Variants in TLR9 observed in about 807,000 individuals in gnomAD.
The protein encoded by TLR9 is toll-like receptor 9.
In TLR9, 19 loss-of-function variants were observed where a neutral mutation model predicts 24.6. The observed-to-expected ratio is 0.77, with a 90% confidence interval of 0.54 to 1.13. The LOEUF is 1.13. Among genes scored for constraint, TLR9 ranks in the 50% most tolerant of loss-of-function variants. The pLI is 0.00. For synonymous variants in TLR9, 579 were observed against 609.8 expected, an observed-to-expected ratio of 0.95 and a Z score of 0.74; for missense variants, 1,065 against 1,379.6, an observed-to-expected ratio of 0.77 and a Z score of 3.61.
Position 52,224,058 on chromosome 3 carries a change from C to A in TLR9, c.258G>T (p.Leu86=), listed in dbSNP as rs1367064721. ...HHLHDSDFAH[L]PSLRHLNLKW... ...TGAGGTTGAGATGCCGCAGGCTGGG[C>A]AGGTGGGCAAAGTCAGAATCATGGA... Residue 86 remains leucine, a synonymous_variant, in exon 2 of 2, where the codon CTG becomes CTT. Transcript: ENST00000360658. The A allele has an allele frequency of 4.4e-6, 7 of 1,573,818 alleles. No homozygotes were observed. The highest frequency in any genetic ancestry group is 6.1e-6 in the Non-Finnish European group (7 of 1,156,026).
Position 52,222,704 on chromosome 3 carries a change from C to T in TLR9, c.1612G>A (p.Glu538Lys), listed in dbSNP as rs1383453062. ...CGCGGTAGCTCCGTGAATGAGTGCT[C>T]GTGGTAGAGGTCCAGCTTATTGTGG... is the stretch of plus-strand genomic sequence containing the variant. ...LSHNKLDLYHEHSFTELPRLE... is the reference protein window; with the variant it reads ...LSHNKLDLYHKHSFTELPRLE... The change falls in exon 2 of 2, where the codon GAG becomes AAG. Residue 538 changes from glutamate (E) to lysine (K), a missense_variant. Physicochemically the swap from Glu to Lys is moderately conservative, Grantham distance 56. Coordinates refer to ENST00000360658, the MANE Select transcript of TLR9 (RefSeq NM_017442.4). 1.9e-6 allele frequency: 3 copies of T among 1,613,122 alleles called. No homozygotes were observed. Among genetic ancestry groups the T allele is most frequent in the South Asian group, 2.2e-5 (2 of 91,074 alleles).
At position 52,222,140 on chromosome 3, in the gene TLR9, C is replaced by T; in HGVS notation, c.2176G>A (p.Glu726Lys). ...GCGCTAAGGTTGAGCTCTCGCAGCT[C>T]CTTGGCCTTGGAAAAGAAGCCGGGG... ...VAPGFFSKAK[E>K]LRELNLSANA... The change falls in exon 2 of 2, where the codon GAG becomes AAG. Residue 726 changes from glutamate to lysine, a missense_variant. Physicochemically the swap from Glu to Lys is moderately conservative, Grantham distance 56 (BLOSUM62 1). Transcript: ENST00000360658. 2 of 1,613,274 alleles carry T rather than the reference C, an allele frequency of 1.2e-6. No individual in the cohort carries two copies. Among genetic ancestry groups the T allele is most frequent in the Non-Finnish European group, 1.7e-6 (2 of 1,179,608 alleles).
chr3:52,223,788 G>A lies in TLR9; in HGVS notation c.528C>T (p.Gly176=). 1 of 1,584,614 alleles carries A rather than the reference G, an allele frequency of 6.3e-7. No individual in the cohort carries two copies. The highest frequency in any genetic ancestry group is 8.6e-7 in the Non-Finnish European group (1 of 1,163,928). Reference sequence around the variant, plus strand: ...TGCAGGGGTTCTTGTAATAACAGTTGCCGTCCATGAATAGGAAGCGCAGGG... The same window carrying A: ...TGCAGGGGTTCTTGTAATAACAGTTACCGTCCATGAATAGGAAGCGCAGGG... ...LHALRFLFMD[G]NCYYKNPCRQ... is the part of the protein sequence containing the mutation. The change falls in exon 2 of 2, where the codon GGC becomes GGT. Residue 176 remains glycine, a synonymous_variant. Coordinates refer to ENST00000360658, the MANE Select transcript of TLR9 (RefSeq NM_017442.4).
Position 52,224,289 on chromosome 3 carries a change from G to T in TLR9, c.27C>A (p.His9Gln). The T allele has an allele frequency of 1.9e-6, 3 of 1,598,690 alleles. No homozygotes were observed. Among genetic ancestry groups the T allele is most frequent in the South Asian group, 1.1e-5 (1 of 89,638 alleles). Residue 9 changes from histidine (H) to glutamine (Q), a missense_variant, in exon 2 of 2, where the codon CAC becomes CAA. Physicochemically the swap from His to Gln is conservative, Grantham distance 24 (BLOSUM62 0). Transcript: ENST00000360658. MGFCRSAL[H>Q]PLSLLVQAIM... is the part of the protein sequence containing the mutation. The stretch of plus-strand genomic sequence containing the variant: ...TGGCCTGCACCAGGAGAGACAGCGG[G>T]TGCAGGGCGCTGCGGCAGAAACCCT...
At position 52,222,255 on chromosome 3, in the gene TLR9, G is replaced by A. The variant is rs201618736; in HGVS notation, c.2061C>T (p.Asn687=). The change falls in exon 2 of 2, where the codon AAC becomes AAT. Residue 687 remains asparagine (N), a synonymous_variant. Transcript: ENST00000360658. ...PKLEVLDLAG[N]QLKALTNGSL... is the part of the protein sequence containing the mutation. ...TGCCATTGGTCAGGGCCTTCAGCTG[G>A]TTTCCTGCCAGGTCGAGGACTTCCA... 1.2e-6 allele frequency: 2 copies of A among 1,614,102 alleles called. No homozygotes were observed. Among genetic ancestry groups the A allele is most frequent in the Admixed American group, 1.7e-5 (1 of 60,010 alleles).
Position 52,222,572 on chromosome 3 carries a change from G to A in TLR9, c.1744C>T (p.Leu582=). The A allele has an allele frequency of 6.2e-7, 1 of 1,614,180 alleles. No individual in the cohort carries two copies. The highest frequency in any genetic ancestry group is 8.5e-7 in the Non-Finnish European group (1 of 1,180,038). ...TGGCTGTGGATGTTGTTGTGGGCCAGGCTGAGGTGGCGCAGGGTGCGCAGG... is the reference window on the plus strand; with the variant it reads ...TGGCTGTGGATGTTGTTGTGGGCCAAGCTGAGGTGGCGCAGGGTGCGCAGG... The part of the protein sequence containing the change: ...AHLRTLRHLS[L]AHNNIHSQVS... Residue 582 remains leucine (L), a synonymous_variant, in exon 2 of 2, where the codon CTG becomes TTG. Coordinates refer to ENST00000360658, the MANE Select transcript of TLR9 (RefSeq NM_017442.4).
rs201495072 is a variant in TLR9 at position 52,221,226 on chromosome 3, C to T, written c.3090G>A (p.Thr1030=). 61 of 1,512,120 alleles carry T rather than the reference C, an allele frequency of 4.0e-5. No individual in the cohort carries two copies. The highest frequency in any genetic ancestry group is 4.6e-5 in the Admixed American group (2 of 43,692). 93.7% of individuals were successfully genotyped at this position (1,512,120 alleles called of 1,614,324 possible). A position where few individuals can be genotyped will look rare whatever the true frequency, so the allele number is the denominator to read the frequency against. The change falls in exon 2 of 2, where the codon ACG becomes ACA. Residue 1030 remains threonine (T), a synonymous_variant. Coordinates refer to ENST00000360658, the MANE Select transcript of TLR9 (RefSeq NM_017442.4). This position sits in a 1 kb window ranked among gnomAD's most constrained non-coding sequence, Gnocchi z 9.9. The stretch of plus-strand genomic sequence containing the variant: ...GGATTCCGGCTCACGGCTATTCGGC[C>T]GTGGGTCCCTGGCAGAAGTTCCGGT... The part of the protein sequence containing the change: ...FYNRNFCQGP[T]AE
At position 52,222,528 on chromosome 3, in the gene TLR9, G is replaced by A. The variant is rs1287111874; in HGVS notation, c.1788C>T (p.Cys596=). The stretch of plus-strand genomic sequence containing the variant: ...AGTCCAGGGCCCGCAGCGACGTACT[G>A]CAGAGCTGCTGGGACACTTGGCTGT... ...NIHSQVSQQL[C]STSLRALDFS... Residue 596 remains cysteine (C), a synonymous_variant, in exon 2 of 2, where the codon TGC becomes TGT. Transcript: ENST00000360658. The A allele has an allele frequency of 9.9e-6, 16 of 1,614,220 alleles. No homozygotes were observed. In the East Asian group the frequency reaches 2.9e-4, roughly 29 times the overall value.
At chr3:52,224,510 A>G (rs994024085) in intron 1 of TLR9, among the ~76,000 whole-genome samples, 198 bp from the exon 2 acceptor site, 4 of 152,226 alleles carry the variant, frequency 2.6e-5, no homozygotes, top group South Asian at 4.1e-4. Context: ...CCAGTCTTGG[A>G]CTCAGAATTA....
chr3:52,222,680 G>A lies in TLR9; in HGVS notation c.1636C>T (p.Arg546Ter), dbSNP rs947083609. ...YHEHSFTELP[R>*]LEALDLSYNS... ...TAGCTGAGGTCCAGGGCCTCCAGTCGCGGTAGCTCCGTGAATGAGTGCTCG... is the reference window on the plus strand; with the variant it reads ...TAGCTGAGGTCCAGGGCCTCCAGTCACGGTAGCTCCGTGAATGAGTGCTCG... The change falls in exon 2 of 2, where the codon CGA (arginine) becomes TGA (stop). Residue 546 changes from arginine (R) to a stop codon, truncating the protein, a stop_gained. Transcript: ENST00000360658. LOFTEE classifies it low-confidence loss of function (END_TRUNC). 1.5e-5 allele frequency: 25 copies of A among 1,613,134 alleles called. No individual in the cohort carries two copies. The highest frequency in any genetic ancestry group is 2.1e-5 in the Non-Finnish European group (25 of 1,179,344).
At chr3:52,224,510 A>C (rs994024085) in intron 1 of TLR9, among the ~76,000 whole-genome samples, 198 bp from the exon 2 acceptor site, 2 of 152,108 alleles carry the variant, frequency 1.3e-5, no homozygotes, top group Admixed American at 6.5e-5. Context: ...CCAGTCTTGG[A>C]CTCAGAATTA....
chr3:52,221,790 G>A lies in TLR9; in HGVS notation c.2526C>T (p.Asp842=), dbSNP rs1577979594. ...GGCACAGGTGGAAGCAGTACCAGAG[G>A]TCCCAGCCACAGAGGTGATGCAGCA... The part of the protein sequence containing the change: ...VPMLHHLCGW[D]LWYCFHLCLA... Residue 842 remains aspartate (D), a synonymous_variant, in exon 2 of 2, where the codon GAC becomes GAT. Transcript: ENST00000360658. This position sits in a 1 kb window ranked among gnomAD's most constrained non-coding sequence, Gnocchi z 9.9. 6.2e-7 allele frequency: 1 copy of A among 1,613,918 alleles called. No individual in the cohort carries two copies. Among genetic ancestry groups the A allele is most frequent in the Non-Finnish European group, 8.5e-7 (1 of 1,180,014 alleles).
rs761641797 is a variant in TLR9 at position 52,222,106 on chromosome 3, A to T, written c.2210T>A (p.Leu737His). The T allele has an allele frequency of 1.9e-6, 3 of 1,612,240 alleles. No homozygotes were observed. The highest frequency in any genetic ancestry group is 2.5e-6 in the Non-Finnish European group (3 of 1,179,130). Residue 737 changes from leucine to histidine, a missense_variant, in exon 2 of 2, where the codon CTC becomes CAC. Leu to His is a moderately conservative substitution (Grantham distance 99). Transcript: ENST00000360658. ...AAACCAGGAGTGGTCCACTGTCTTG[A>T]GGGCGTTGGCGCTAAGGTTGAGCTC... ...LRELNLSANALKTVDHSWFGP... is the reference protein window; with the variant it reads ...LRELNLSANAHKTVDHSWFGP...
Position 52,222,291 on chromosome 3 carries a change from G to C in TLR9, c.2025C>G (p.Phe675Leu). 6.2e-7 allele frequency: 1 copy of C among 1,614,198 alleles called. No individual in the cohort carries two copies. Among genetic ancestry groups the C allele is most frequent in the Non-Finnish European group, 8.5e-7 (1 of 1,180,028 alleles). The change falls in exon 2 of 2, where the codon TTC becomes TTG. Residue 675 changes from phenylalanine to leucine, a missense_variant. By Grantham distance (22) the Phe-to-Leu change is conservative (BLOSUM62 0). Coordinates refer to ENST00000360658, the MANE Select transcript of TLR9 (RefSeq NM_017442.4). The stretch of plus-strand genomic sequence containing the variant: ...GGTCGAGGACTTCCAGTTTGGGCAG[G>C]AAGTGGAGGCTCCACCACTTAAAGA... ...LAFFKWWSLHFLPKLEVLDLA... is the reference protein window; with the variant it reads ...LAFFKWWSLHLLPKLEVLDLA...
Position 52,223,287 on chromosome 3 carries a change from G to A in TLR9, c.1029C>T (p.Phe343=). The A allele has an allele frequency of 6.2e-7, 1 of 1,614,234 alleles. No homozygotes were observed. The change falls in exon 2 of 2, where the codon TTC becomes TTT. Residue 343 remains phenylalanine (F), a synonymous_variant. Coordinates refer to ENST00000360658, the MANE Select transcript of TLR9 (RefSeq NM_017442.4). ...LTQLRKLNLS[F]NYQKRVSFAH... is the part of the protein sequence containing the mutation. Reference sequence around the variant, plus strand: ...CAAAGGACACCCTCTTTTGGTAATTGAAGGACAGGTTAAGCTTGCGCAGCT... The same window carrying A: ...CAAAGGACACCCTCTTTTGGTAATTAAAGGACAGGTTAAGCTTGCGCAGCT...
Position 52,223,686 on chromosome 3 carries a change from G to A in TLR9, c.630C>T (p.Asn210=). ...NLTHLSLKYN[N]LTVVPRNLPS... ...GCAGGTTGCGGGGCACCACAGTGAG[G>A]TTGTTGTACTTGAGTGACAGGTGGG... Residue 210 remains asparagine, a synonymous_variant, in exon 2 of 2, where the codon AAC becomes AAT. Transcript: ENST00000360658. The A allele has an allele frequency of 6.3e-7, 1 of 1,599,802 alleles. No individual in the cohort carries two copies. Among genetic ancestry groups the A allele is most frequent in the Middle Eastern group, 1.7e-4 (1 of 5,986 alleles).
rs1699561078 is a variant in TLR9 at position 52,222,045 on chromosome 3, T to C, written c.2271A>G (p.Val757=). The C allele has an allele frequency of 6.2e-7, 1 of 1,612,102 alleles. No homozygotes were observed. Among genetic ancestry groups the C allele is most frequent in the African/African-American group, 1.3e-5 (1 of 74,874 alleles). ...PLASALQILD[V]SANPLHCACG... The stretch of plus-strand genomic sequence containing the variant: ...AGGCGCAGTGCAGAGGGTTGGCGCT[T>C]ACATCTAGTATTTGCAGGGCACTCG... The change falls in exon 2 of 2, where the codon GTA becomes GTG. Residue 757 remains valine (V), a synonymous_variant. Transcript: ENST00000360658.
intron 1 of TLR9, among the ~76,000 whole-genome samples, 181 bp downstream of exon 1, chr3:52,225,343 CAAA>C (rs981581476): frequency 2.0e-5 from 2 of 101,678 alleles, no homozygotes; most frequent in Non-Finnish European, 2.1e-5. Context: ...AACTCCGTCT[CAAA>C]AAAAAAAAAA....
rs1559437904 is a variant in TLR9, at chr3:52,223,382, C to T, written c.934G>A (p.Val312Met). Residue 312 changes from valine (V) to methionine (M), a missense_variant, in exon 2 of 2, where the codon GTG becomes ATG. Transcript: ENST00000360658. ...AGGAAGTTCTCACTCAGGTCCAGCA[C>T]TCGGAGGTTTCCCAGCCCACGGAAC... ...SWFRGLGNLR[V>M]LDLSENFLYK... 3 of 1,614,100 alleles carry T rather than the reference C, an allele frequency of 1.9e-6. No homozygotes were observed. The East Asian group carries it at 6.7e-5, about 36-fold the overall frequency.
Sources: allele counts gnomAD v4.1 joint callset (sites outside exome capture counted in the v4.1 genomes callset), GRCh38; gene constraint gnomAD v4.1.1; non-coding constraint Gnocchi (gnomAD v3.1); transcripts MANE v1.5; gene names NCBI Gene and HGNC (gene_info 2026-07-23, HGNC 2026-07-21).